The following STK4 variants were observed in gnomAD, a reference collection of about 807,000 sequenced individuals.
The protein encoded by STK4 is serine/threonine-protein kinase 4.
A neutral mutation model predicts 64.9 loss-of-function variants in STK4; 30 were observed. The observed-to-expected ratio is 0.46, with a 90% confidence interval of 0.35 to 0.63. The LOEUF (loss-of-function observed/expected upper bound fraction) is 0.63. Ranked by LOEUF, STK4 falls within the 20% of genes least tolerant of loss-of-function variation. The pLI is 0.01. For synonymous variants in STK4, 177 were observed against 199.0 expected (o/e 0.89, Z 0.93); for missense variants, 466 against 598.5 (o/e 0.78, Z 2.31).
intron 5 of STK4, among the ~76,000 whole-genome samples, chr20:44,992,856 G>C (rs940219565): frequency 1.3e-5 from 2 of 151,744 alleles, no homozygotes; most frequent in African/African-American, 4.8e-5. Context: ...TACCACACCC[G>C]GCTAATTTTT....
intron 10 of STK4, among the ~76,000 whole-genome samples, chr20:45,050,133 C>T (rs1181845335): frequency 6.6e-6 from 1 of 152,170 alleles, no homozygotes; most frequent in Non-Finnish European, 1.5e-5. Context: ...GAACAGTCAG[C>T]AGTGCTCGTG....
intron 2 of STK4, 173 bp downstream of exon 2, chr20:44,972,331 T>G: frequency 3.5e-6 from 2 of 574,014 alleles, no homozygotes; most frequent in Non-Finnish European, 6.2e-6. Context: ...ACAGATTTAG[T>G]GATTCCTGGT....
intron 9 of STK4, among the ~76,000 whole-genome samples, chr20:45,009,602 G>A (rs1045503569): frequency 2.6e-5 from 4 of 152,108 alleles, no homozygotes; most frequent in African/African-American, 9.7e-5. Flanking sequence ...GAATAGTATG[G>A]AATCTGTAAA....
At chr20:45,040,443 T>C (rs778085821) in intron 10 of STK4, among the ~76,000 whole-genome samples, 19 of 152,202 alleles carry the variant, frequency 1.2e-4, no homozygotes, top group Non-Finnish European at 2.1e-4. Flanking sequence ...TTCAATCCTT[T>C]CATCTATTTC....
intron 9 of STK4, among the ~76,000 whole-genome samples, chr20:45,010,388 C>T (rs1246078192): frequency 6.6e-6 from 1 of 152,062 alleles, no homozygotes; most frequent in East Asian, 1.9e-4. Context: ...TTATATGTAA[C>T]TTATGTGTTA....
At chr20:45,021,509 A>G (rs2068247009) in intron 9 of STK4, among the ~76,000 whole-genome samples, 1 of 152,258 alleles carries the variant, frequency 6.6e-6, no homozygotes, top group African/African-American at 2.4e-5. Context: ...TACAAGGATC[A>G]GCTAATTGTT....
Position 45,071,906 on chromosome 20 carries a change from T to C in STK4, c.1306-3112T>C, listed in dbSNP as rs117526311. Among the ~76,000 whole-genome samples, 938 of 152,102 alleles carry C rather than the reference T, an allele frequency of 6.2e-3. 4 individuals carry two copies. The highest frequency in any genetic ancestry group is 0.024 in the Middle Eastern group (7 of 294). On this transcript the variant is annotated intron_variant, in intron 10 of 10. Transcript: ENST00000372806. ...TCAGCATCCTAAGTATCTGGGACTATAGGTGTGCACCACCACACCTGGCTA... is the reference window on the plus strand; with the variant it reads ...TCAGCATCCTAAGTATCTGGGACTACAGGTGTGCACCACCACACCTGGCTA...
intron 10 of STK4, among the ~76,000 whole-genome samples, chr20:45,034,004 T>C (rs1002838202): frequency 3.6e-4 from 55 of 152,096 alleles, no homozygotes; most frequent in African/African-American, 1.3e-3. Context: ...TAAAAATATA[T>C]TCTTAAATCT....
chr20:45,017,302 C>A lies in STK4; in HGVS notation c.1148-7671C>A, dbSNP rs775142595. On this transcript the variant is annotated intron_variant, in intron 9 of 10. Coordinates refer to ENST00000372806, the MANE Select transcript of STK4 (RefSeq NM_006282.5). ...TATGTGTATAGAGCATTACTCTAGGCGCTTCAAATAATAGTATTTGATAAT... is the reference window on the plus strand; with the variant it reads ...TATGTGTATAGAGCATTACTCTAGGAGCTTCAAATAATAGTATTTGATAAT... Among the ~76,000 whole-genome samples the A allele has an allele frequency of 3.3e-5, 5 of 152,098 alleles. No homozygotes were observed. The South Asian group carries it at 8.3e-4, about 25-fold the overall frequency.
chr20:45,047,455 AG>A (rs2068714460), intron 10 of STK4, among the ~76,000 whole-genome samples: 2 of 152,226 alleles, frequency 1.3e-5, no homozygotes, highest in Non-Finnish European at 2.9e-5. Flanking sequence ...TGCAGCCCTT[AG>A]CGAATTGCCA....
At chr20:45,015,190 G>A (rs533913815) in intron 9 of STK4, among the ~76,000 whole-genome samples, 3 of 152,268 alleles carry the variant, frequency 2.0e-5, no homozygotes, top group South Asian at 2.1e-4. Context: ...TCAGGTGAAA[G>A]GCTAGGCTGT....
At chr20:45,067,430 T>C (rs1247762935) in intron 10 of STK4, among the ~76,000 whole-genome samples, 2 of 152,162 alleles carry the variant, frequency 1.3e-5, no homozygotes, top group Admixed American at 1.3e-4. Flanking sequence ...AGGTCTCTCT[T>C]TGATGGTTTT....
intron 9 of STK4, among the ~76,000 whole-genome samples, chr20:45,016,974 G>A (rs1192428183): frequency 2.0e-5 from 3 of 152,136 alleles, no homozygotes; most frequent in African/African-American, 7.2e-5. Context: ...GCAAGAAAAT[G>A]GAGATACATT....
intron 10 of STK4, among the ~76,000 whole-genome samples, chr20:45,073,020 C>T (rs946037584): frequency 1.7e-4 from 26 of 152,082 alleles, no homozygotes; most frequent in African/African-American, 6.3e-4. Flanking sequence ...AGGAGGAAAC[C>T]GAGGCTCAAG....
chr20:45,011,330 T>C (rs2068040107), intron 9 of STK4, among the ~76,000 whole-genome samples: 1 of 152,056 alleles, frequency 6.6e-6, no homozygotes, highest in Admixed American at 6.6e-5. Context: ...AGTTCACAAA[T>C]CCCCTTTATA....
intron 10 of STK4, among the ~76,000 whole-genome samples, chr20:45,047,142 A>C (rs945151675): frequency 6.6e-6 from 1 of 152,174 alleles, no homozygotes; most frequent in Non-Finnish European, 1.5e-5. Flanking sequence ...TGAAAATAGC[A>C]GTTATTGAAT....
chr20:45,064,152 T>A (rs1263070414), intron 10 of STK4, among the ~76,000 whole-genome samples: 1 of 152,180 alleles, frequency 6.6e-6, no homozygotes, highest in Non-Finnish European at 1.5e-5. Context: ...GGCTAGCCAA[T>A]TATCCCAGGA....
chr20:45,039,269 A>G (rs1323546265), intron 10 of STK4, among the ~76,000 whole-genome samples: 6 of 152,082 alleles, frequency 3.9e-5, no homozygotes, highest in Non-Finnish European at 8.8e-5. Context: ...ATGTTGGTTC[A>G]TTCAGTTACA....
chr20:45,047,782 C>T (rs2068719160), intron 10 of STK4, among the ~76,000 whole-genome samples: 1 of 152,088 alleles, frequency 6.6e-6, no homozygotes, highest in Admixed American at 6.5e-5. Context: ...ATGTGGGTTC[C>T]TTTTAGAGTG....
Sources: gnomAD v4.1 joint callset for allele counts (sites outside exome capture counted in the v4.1 genomes callset) on GRCh38, gnomAD v4.1.1 for gene constraint, MANE v1.5 for transcripts, NCBI Gene and HGNC (gene_info 2026-07-23, HGNC 2026-07-21) for gene names.